ZNF385D: variants seen among roughly 807,000 people sequenced by gnomAD.
ZNF385D encodes the protein zinc finger protein 659.
In ZNF385D, 15 loss-of-function variants were observed where a neutral mutation model predicts 35.8. That is an observed-to-expected ratio of 0.42 (90% CI 0.28 to 0.64). The LOEUF (loss-of-function observed/expected upper bound fraction) is 0.64. Ranked by LOEUF, ZNF385D falls within the 30% of genes least tolerant of loss-of-function variation. The pLI is 0.23. For synonymous variants in ZNF385D, 212 were observed against 186.8 expected (o/e 1.13, Z -1.10); for missense variants, 474 against 494.6 (o/e 0.96, Z 0.39).
chr3:22,221,133 TTGTG>T (rs2125279923), intron 2 of ZNF385D, among the ~76,000 whole-genome samples: 1 of 152,170 alleles, frequency 6.6e-6, no homozygotes, highest in East Asian at 1.9e-4. Flanking sequence ...GTGTGTGTGT[TTGTG>T]TATCTATTTA....
intron 3 of ZNF385D, among the ~76,000 whole-genome samples, chr3:22,046,390 A>G (rs1437694886): frequency 2.0e-5 from 3 of 152,224 alleles, no homozygotes; most frequent in Admixed American, 2.0e-4. Flanking sequence ...CTGACAGCCC[A>G]CTATATTTTA....
At chr3:21,791,965 C>A (rs1216826838) in intron 3 of ZNF385D, among the ~76,000 whole-genome samples, 2 of 152,132 alleles carry the variant, frequency 1.3e-5, no homozygotes, top group African/African-American at 4.8e-5. Flanking sequence ...GATCTCCTGA[C>A]CTCGTGATCC....
chr3:21,810,489 T>A (rs2072869110), intron 3 of ZNF385D, among the ~76,000 whole-genome samples: 2 of 152,254 alleles, frequency 1.3e-5, no homozygotes, highest in South Asian at 4.1e-4. Flanking sequence ...AACCTGCATG[T>A]TGTGCACATG....
At chr3:21,752,454 G>A (rs988496247), upstream of ZNF385D, among the ~76,000 whole-genome samples, 3 of 151,854 alleles carry the variant, frequency 2.0e-5, no homozygotes, top group African/African-American at 4.8e-5. Context: ...ATTTCCTTAC[G>A]CGATTCTATA....
chr3:21,534,480 T>C (rs1026190256), intron 3 of ZNF385D, among the ~76,000 whole-genome samples: 2 of 152,082 alleles, frequency 1.3e-5, no homozygotes, highest in Admixed American at 1.3e-4. Flanking sequence ...AAACTGAACT[T>C]TCATCAGTGG....
At chr3:21,517,718 T>C (rs1288565626) in intron 3 of ZNF385D, among the ~76,000 whole-genome samples, 1 of 152,198 alleles carries the variant, frequency 6.6e-6, no homozygotes, top group Non-Finnish European at 1.5e-5. Flanking sequence ...TGCAGCCATA[T>C]GGGTGAAGAT....
chr3:21,842,503 C>A (rs7613242), intron 3 of ZNF385D, among the ~76,000 whole-genome samples: 6,556 of 151,986 alleles, frequency 0.043, 475 homozygotes, highest in African/African-American at 0.15. Flanking sequence ...CTTCAAGCCC[C>A]ATTTGGTCGA....
intron 3 of ZNF385D, among the ~76,000 whole-genome samples, chr3:22,157,114 T>C (rs1457833835): frequency 1.3e-5 from 2 of 152,124 alleles, no homozygotes; most frequent in Admixed American, 6.6e-5. Context: ...ATCATGAATA[T>C]GCGTGTGGAC....
chr3:22,077,274 C>T (rs1700510988), intron 3 of ZNF385D, among the ~76,000 whole-genome samples: 1 of 151,794 alleles, frequency 6.6e-6, no homozygotes, highest in Non-Finnish European at 1.5e-5. Flanking sequence ...GATTATGTTC[C>T]CATACAGAAT....
At chr3:21,841,893 G>A (rs569077776) in intron 3 of ZNF385D, among the ~76,000 whole-genome samples, 123 of 150,850 alleles carry the variant, frequency 8.2e-4, no homozygotes, top group African/African-American at 3.0e-3. Context: ...AACAAGTCAC[G>A]CCTCAGAAAT....
At chr3:21,633,217 G>C (rs1019255781) in intron 2 of ZNF385D, among the ~76,000 whole-genome samples, 3 of 152,034 alleles carry the variant, frequency 2.0e-5, no homozygotes, top group Admixed American at 1.3e-4. Flanking sequence ...GTTAGAAGTG[G>C]AGCAGTTTTT....
chr3:21,648,143 G>A (rs780246973), intron 2 of ZNF385D, among the ~76,000 whole-genome samples: 3 of 152,182 alleles, frequency 2.0e-5, no homozygotes, highest in Non-Finnish European at 4.4e-5. Context: ...ATCTGCACGT[G>A]TCAAGGGAGA....
chr3:21,654,329 G>C lies in ZNF385D; in HGVS notation c.165+10557C>G, dbSNP rs9881055. On this transcript the variant is annotated intron_variant, in intron 2 of 7. Transcript: ENST00000281523. ...AATGTGGAATAAGAGGTTATACTTC[G>C]AAGAAAGGCAAAATGCAAGTTATCT... 2.0e-5 allele frequency among the ~76,000 whole-genome samples: 3 copies of C among 151,940 alleles called. No homozygotes were observed. In the East Asian group the frequency reaches 5.8e-4, roughly 29 times the overall value.
intron 3 of ZNF385D, among the ~76,000 whole-genome samples, chr3:21,528,738 T>A (rs1215570449): frequency 6.6e-6 from 1 of 152,056 alleles, no homozygotes; most frequent in Non-Finnish European, 1.5e-5. Flanking sequence ...GCAGCCAGAG[T>A]TACATGAAAC....
chr3:21,513,084 C>T (rs114429440), intron 3 of ZNF385D, among the ~76,000 whole-genome samples: 1 of 152,076 alleles, frequency 6.6e-6, no homozygotes, highest in Non-Finnish European at 1.5e-5. Flanking sequence ...ATCTAACATT[C>T]TCAGTGGCAT....
intron 3 of ZNF385D, among the ~76,000 whole-genome samples, chr3:22,141,284 T>C (rs972363536): frequency 6.6e-6 from 1 of 151,582 alleles, no homozygotes; most frequent in Non-Finnish European, 1.5e-5. Context: ...TTAAAAAAAA[T>C]TAGCTGGCAA....
chr3:22,007,613 A>G (rs1452994330), intron 3 of ZNF385D, among the ~76,000 whole-genome samples: 2 of 152,220 alleles, frequency 1.3e-5, no homozygotes, highest in Non-Finnish European at 2.9e-5. Context: ...CATGTATGAA[A>G]GTAGGTATTT....
At chr3:21,720,882 C>CA (rs2068512866) in intron 1 of ZNF385D, among the ~76,000 whole-genome samples, 1 of 152,102 alleles carries the variant, frequency 6.6e-6, no homozygotes. Flanking sequence ...CATATGGTGA[C>CA]AAAAAGTGCG....
intron 3 of ZNF385D, among the ~76,000 whole-genome samples, chr3:21,763,923 G>A (rs1278454143): frequency 6.6e-6 from 1 of 152,154 alleles, no homozygotes; most frequent in Non-Finnish European, 1.5e-5. Context: ...AACTGTGAGA[G>A]GGGCCAGGGA....
Sources: allele counts gnomAD v4.1 joint callset (sites outside exome capture counted in the v4.1 genomes callset), GRCh38; gene constraint gnomAD v4.1.1; transcripts MANE v1.5; gene names NCBI Gene and HGNC (gene_info 2026-07-23, HGNC 2026-07-21).